Variants in RUNDC3B observed in about 807,000 individuals in gnomAD.
RUNDC3B encodes RUN domain containing 3B.
In RUNDC3B, 33 loss-of-function variants were observed where a neutral mutation model predicts 58.4. The observed-to-expected ratio is 0.56, with a 90% confidence interval of 0.43 to 0.75. The LOEUF is 0.75. RUNDC3B is among the 30% of genes least tolerant of loss of function. The pLI is 0.00. For missense variants in RUNDC3B, 501 were observed against 535.7 expected (o/e 0.94, Z 0.64); for synonymous variants, 193 against 195.2 (o/e 0.99, Z 0.10).
intron 2 of RUNDC3B, among the ~76,000 whole-genome samples, chr7:87,676,397 A>G (rs1826358756): frequency 6.6e-6 from 1 of 152,034 alleles, no homozygotes; most frequent in Non-Finnish European, 1.5e-5. Flanking sequence ...CAACAACAAC[A>G]ACATTAAAAA....
chr7:87,771,424 A>G (rs888236688), intron 7 of RUNDC3B, among the ~76,000 whole-genome samples: 3 of 152,216 alleles, frequency 2.0e-5, no homozygotes, highest in Non-Finnish European at 4.4e-5. Context: ...TTACATAGCT[A>G]TAAACATTTG....
At chr7:87,705,023 T>C (rs1829462314) in intron 3 of RUNDC3B, among the ~76,000 whole-genome samples, 1 of 152,214 alleles carries the variant, frequency 6.6e-6, no homozygotes, top group South Asian at 2.1e-4. Flanking sequence ...GTATACAGTA[T>C]ACAAGTACAC....
intron 2 of RUNDC3B, among the ~76,000 whole-genome samples, chr7:87,690,622 C>T (rs1021955678): frequency 6.6e-6 from 1 of 152,132 alleles, no homozygotes; most frequent in Non-Finnish European, 1.5e-5. Flanking sequence ...AGCTGAATTA[C>T]AGTACTGTAG....
At chr7:87,650,982 A>G (rs1823515369) in intron 2 of RUNDC3B, 45 bp downstream of exon 2, 1 of 1,113,424 alleles carries the variant, frequency 9.0e-7, no homozygotes, top group Non-Finnish European at 1.4e-6. Flanking sequence ...AGCTGTCTTT[A>G]TAATAAGCTT....
At chr7:87,700,328 A>G (rs1053876686) in intron 2 of RUNDC3B, 93 bp from the exon 3 acceptor site, 1 of 1,099,662 alleles carries the variant, frequency 9.1e-7, no homozygotes, top group Non-Finnish European at 1.3e-6. Flanking sequence ...TCACTATATT[A>G]CCTTTATTTT....
At chr7:87,709,659 T>C (rs2130736828) in intron 3 of RUNDC3B, among the ~76,000 whole-genome samples, 1 of 152,336 alleles carries the variant, frequency 6.6e-6, no homozygotes, top group African/African-American at 2.4e-5. Context: ...TTCACTAGAC[T>C]TGCAGACATT....
At chr7:87,688,830 G>C (rs1413770016) in intron 2 of RUNDC3B, among the ~76,000 whole-genome samples, 3 of 151,708 alleles carry the variant, frequency 2.0e-5, no homozygotes, top group Non-Finnish European at 4.4e-5. Context: ...GTTTGTTATA[G>C]GTATTTCTGG....
At chr7:87,671,427 T>C (rs773663154) in intron 2 of RUNDC3B, among the ~76,000 whole-genome samples, 1 of 152,284 alleles carries the variant, frequency 6.6e-6, no homozygotes, top group East Asian at 1.9e-4. Flanking sequence ...AAGACCTGTC[T>C]GGTGAGGAGA....
chr7:87,709,399 C>T, intron 3 of RUNDC3B: 1 of 985,366 alleles, frequency 1.0e-6, no homozygotes, highest in South Asian at 4.7e-5. Flanking sequence ...TAGCTTGCCT[C>T]TTCCTTCCTC....
At chr7:87,807,251 C>T (rs1836484570) in intron 8 of RUNDC3B, 122 bp from the exon 9 acceptor site, 3 of 808,882 alleles carry the variant, frequency 3.7e-6, no homozygotes, top group Admixed American at 4.7e-5. Context: ...TAGTTCTGTT[C>T]ACAATCTATT....
intron 1 of RUNDC3B, among the ~76,000 whole-genome samples, chr7:87,629,598 T>C (rs1489147232): frequency 2.0e-5 from 3 of 152,184 alleles, no homozygotes; most frequent in Non-Finnish European, 4.4e-5. Context: ...GTAAATGTAG[T>C]ATTTCCTTCA....
intron 6 of RUNDC3B, among the ~76,000 whole-genome samples, chr7:87,752,244 A>C (rs2130834544): frequency 6.6e-6 from 1 of 152,272 alleles, no homozygotes; most frequent in African/African-American, 2.4e-5. Context: ...CATGGTGGAT[A>C]AGCTTTTTGA....
chr7:87,642,736 C>T (rs115652305), intron 1 of RUNDC3B, among the ~76,000 whole-genome samples: 1,578 of 152,000 alleles, frequency 0.01, 29 homozygotes, highest in African/African-American at 0.036. Flanking sequence ...GTGCTTCTAA[C>T]GTTATTTTTT....
At position 87,751,683 on chromosome 7, in the gene RUNDC3B, TC is replaced by T. The variant is rs564381768; in HGVS notation, c.629+10105del. 7.1e-3 allele frequency among the ~76,000 whole-genome samples: 1,075 copies of T among 150,624 alleles called. 10 individuals are homozygous for T. Among genetic ancestry groups the T allele is most frequent in the East Asian group, 0.048 (248 of 5,162 alleles). ...CACTCATGATTTGGCTCTCTGTTTG[TC>T]TGTTGGTGTATAAGAATGCTTGTGA... On this transcript the variant is annotated intron_variant, in intron 6 of 10. Coordinates refer to ENST00000394654, the MANE Select transcript of RUNDC3B (RefSeq NM_001134405.2).
intron 8 of RUNDC3B, among the ~76,000 whole-genome samples, chr7:87,791,263 T>C (rs1835508107): frequency 6.6e-6 from 1 of 151,964 alleles, no homozygotes; most frequent in South Asian, 2.1e-4. Context: ...GAAGGAGAAA[T>C]AGACTTTCCC....
chr7:87,830,977 CAT>C lies in RUNDC3B; in HGVS notation c.*948_*949del, dbSNP rs1223577571. On this transcript the variant is annotated 3_prime_UTR_variant, in exon 11 of 11. Coordinates refer to ENST00000394654, the MANE Select transcript of RUNDC3B (RefSeq NM_001134405.2). ...CTGTTTGTGCAACAATGAAGTGTGTCATGTGTGTTTTATAGCCTCTATCATTA... is the reference window on the plus strand; with the variant it reads ...CTGTTTGTGCAACAATGAAGTGTGTCGTGTGTTTTATAGCCTCTATCATTA... The C allele has an allele frequency of 5.9e-5, 9 of 151,394 alleles. No individual in the cohort carries two copies. Among genetic ancestry groups the C allele is most frequent in the East Asian group, 1.9e-4 (1 of 5,186 alleles). The allele number at this position is 151,394 out of a possible 1,614,324, so 9.4% of individuals were successfully genotyped here. A position where few individuals can be genotyped will look rare whatever the true frequency, so the allele number is the denominator to read the frequency against.
At chr7:87,822,453 G>T (rs2130965187) in intron 10 of RUNDC3B, among the ~76,000 whole-genome samples, 1 of 152,316 alleles carries the variant, frequency 6.6e-6, no homozygotes. Context: ...CTGTAAACTA[G>T]TTCAACCATT....
At chr7:87,689,407 G>A (rs1827801222) in intron 2 of RUNDC3B, among the ~76,000 whole-genome samples, 2 of 152,052 alleles carry the variant, frequency 1.3e-5, no homozygotes. Flanking sequence ...TACTTGTAAT[G>A]AGCAAGTCAT....
chr7:87,710,247 G>T (rs1829948610), intron 3 of RUNDC3B, among the ~76,000 whole-genome samples: 1 of 152,112 alleles, frequency 6.6e-6, no homozygotes. Flanking sequence ...TTGCGGTATT[G>T]AAGTAGAGAG....
Sources: allele counts gnomAD v4.1 joint callset (sites outside exome capture counted in the v4.1 genomes callset), GRCh38; gene constraint gnomAD v4.1.1; transcripts MANE v1.5; gene names NCBI Gene and HGNC (gene_info 2026-07-23, HGNC 2026-07-21).